EDA: variants seen among roughly 807,000 people sequenced by gnomAD.
EDA encodes ectodysplasin A.
Under a neutral mutation model 23.6 loss-of-function variants are expected in EDA, and 2 were observed. That is an observed-to-expected ratio of 0.08 (90% confidence interval 0.03 to 0.27). The LOEUF is 0.27. Among genes scored for constraint, EDA ranks in the 10% least tolerant of loss-of-function variants. The probability of loss-of-function intolerance (pLI) is 1.00; values close to 1 mark genes in which losing one functional copy is unlikely to be tolerated. For synonymous variants in EDA, 131 were observed against 132.0 expected (o/e 0.99, Z 0.05); for missense variants, 229 against 324.2 (o/e 0.71, Z 2.26).
chrX:69,617,526 G>A (rs1368034360), intron 1 of EDA, among the ~76,000 whole-genome samples: 1 of 110,680 alleles, frequency 9.0e-6, no homozygotes, highest in South Asian at 3.9e-4. Context: ...GTTTGTTTTT[G>A]CAATCTTTAT....
chrX:69,990,556 C>T (rs2019572775), intron 2 of EDA, among the ~76,000 whole-genome samples: 1 of 110,749 alleles, frequency 9.0e-6, no homozygotes. Flanking sequence ...TTGTTACAGC[C>T]TCATGAAGGT....
At chrX:69,961,512 C>A (rs1417268136) in intron 2 of EDA, among the ~76,000 whole-genome samples, 1 of 111,480 alleles carries the variant, frequency 9.0e-6, no homozygotes, top group African/African-American at 3.3e-5. Flanking sequence ...GTCTATCTTG[C>A]CTTTTAAAAA....
At chrX:69,999,824 A>G (rs2019716501) in intron 2 of EDA, among the ~76,000 whole-genome samples, 1 of 111,047 alleles carries the variant, frequency 9.0e-6, no homozygotes, top group Admixed American at 9.6e-5. Context: ...ACAACTAAAG[A>G]TATCTCACAT....
chrX:69,855,352 T>C (rs997227616), intron 1 of EDA, among the ~76,000 whole-genome samples: 3 of 112,046 alleles, frequency 2.7e-5, no homozygotes, highest in Admixed American at 9.5e-5. Context: ...CAGTTGCTTT[T>C]GGAAAGCAAA....
At position 69,705,487 on chromosome X, in the gene EDA, G is replaced by C. The variant is rs1473814864; in HGVS notation, c.396+88783G>C. On this transcript the variant is annotated intron_variant, in intron 1 of 7. Transcript: ENST00000374552. ...TACTCTGAAGATATCTCTTTTCTTT[G>C]ACCTCTAACCATTTTACTCATAGTA... is the stretch of plus-strand genomic sequence containing the variant. 7.2e-5 allele frequency among the ~76,000 whole-genome samples: 8 copies of C among 111,844 alleles called. No homozygotes were observed. The Admixed American group carries it at 7.6e-4, about 11-fold the overall frequency.
chrX:69,894,272 T>TTACCAG lies in EDA; in HGVS notation c.397-62743_397-62738dup, dbSNP rs769231556. ...TCCGTTGGACTGTGCATCTATTTTT[T>TTACCAG]TACCAGTACCAGTACCAATATTTTT... On this transcript the variant is annotated intron_variant, in intron 1 of 7. Transcript: ENST00000374552. Among the ~76,000 whole-genome samples, 3 of 111,436 alleles carry TTACCAG rather than the reference T, an allele frequency of 2.7e-5. 1 individual carries two copies. In the South Asian group the frequency reaches 1.1e-3, roughly 42 times the overall value.
intron 2 of EDA, among the ~76,000 whole-genome samples, chrX:69,989,893 A>G (rs1416795026): frequency 9.4e-6 from 1 of 106,789 alleles, no homozygotes; most frequent in African/African-American, 3.4e-5. Context: ...TATTCGTATC[A>G]TCAGTGTCTA....
At chrX:70,015,207 T>C (rs1216623406) in intron 2 of EDA, among the ~76,000 whole-genome samples, 1 of 111,831 alleles carries the variant, frequency 8.9e-6, no homozygotes, top group South Asian at 3.8e-4. Context: ...CCCATCAGGC[T>C]AACAGTGGAC....
rs2017379067 is a variant in EDA, at chrX:69,861,284, A to G, written c.397-95743A>G. ...AAAAACTATATAGAAAGAAAATACC[A>G]GACAATAACATGATACAAACCAGCA... On this transcript the variant is annotated intron_variant, in intron 1 of 7. Transcript: ENST00000374552. 1.8e-5 allele frequency: 3 copies of G among 169,122 alleles called. No homozygotes were observed. In the Admixed American group the frequency reaches 2.2e-4, roughly 12 times the overall value. 13.9% of individuals were successfully genotyped at this position (169,122 alleles called of 1,213,427 possible).
intron 1 of EDA, among the ~76,000 whole-genome samples, chrX:69,728,504 A>C (rs757989888): frequency 1.8e-5 from 2 of 112,374 alleles, no homozygotes; most frequent in Non-Finnish European, 3.8e-5. Context: ...TGATGTATTC[A>C]GGGATCAAAT....
At chrX:69,736,832 C>T (rs1338245845) in intron 1 of EDA, among the ~76,000 whole-genome samples, 7 of 98,088 alleles carry the variant, frequency 7.1e-5, no homozygotes, top group East Asian at 6.6e-4. Flanking sequence ...AGTACAGTGG[C>T]GCGATCTTGG....
At chrX:69,940,403 C>T (rs951136510) in intron 1 of EDA, among the ~76,000 whole-genome samples, 2 of 110,707 alleles carry the variant, frequency 1.8e-5, no homozygotes, top group Admixed American at 9.6e-5. Context: ...CTATAATGAT[C>T]TTTTGTATTT....
chrX:69,937,948 T>G (rs768874209), intron 1 of EDA: 31 of 1,202,139 alleles, frequency 2.6e-5, no homozygotes, highest in Non-Finnish European at 3.5e-5. Flanking sequence ...ATTTTCTTCA[T>G]CTCTTCATCC....
intron 1 of EDA, among the ~76,000 whole-genome samples, chrX:69,652,959 G>A (rs1933153325): frequency 9.0e-6 from 1 of 111,462 alleles, no homozygotes; most frequent in Non-Finnish European, 1.9e-5. Flanking sequence ...TTGGCAATGT[G>A]GGCTCTTTTT....
intron 1 of EDA, among the ~76,000 whole-genome samples, chrX:69,735,874 C>A (rs975875944): frequency 5.4e-5 from 6 of 111,679 alleles, no homozygotes; most frequent in Middle Eastern, 4.6e-3. Flanking sequence ...CCCACACACT[C>A]TTTGCTCACA....
intron 1 of EDA, among the ~76,000 whole-genome samples, chrX:69,842,086 G>A (rs1167921403): frequency 1.8e-5 from 2 of 111,903 alleles, no homozygotes; most frequent in Non-Finnish European, 3.8e-5. Flanking sequence ...AGCAATGGGC[G>A]GATGAGTAAG....
At chrX:69,970,691 C>A (rs1309979327) in intron 2 of EDA, among the ~76,000 whole-genome samples, 1 of 111,365 alleles carries the variant, frequency 9.0e-6, no homozygotes, top group Non-Finnish European at 1.9e-5. Context: ...ATTCTTAGTC[C>A]TCAATAGACA....
chrX:69,673,521 T>G (rs997918606), intron 1 of EDA, among the ~76,000 whole-genome samples: 1 of 111,265 alleles, frequency 9.0e-6, no homozygotes, highest in Non-Finnish European at 1.9e-5. Context: ...CACACTTTCA[T>G]GAATTTATCT....
chrX:69,890,041 T>C (rs1293997713), intron 1 of EDA, among the ~76,000 whole-genome samples: 1 of 112,022 alleles, frequency 8.9e-6, no homozygotes, highest in East Asian at 2.8e-4. Context: ...TAAAAGGCTA[T>C]GCTTTCCTCA....
Sources: allele counts gnomAD v4.1 joint callset (sites outside exome capture counted in the v4.1 genomes callset), GRCh38; gene constraint gnomAD v4.1.1; transcripts MANE v1.5; gene names NCBI Gene and HGNC (gene_info 2026-07-23, HGNC 2026-07-21).